The following GTF2IRD1 variants were observed in gnomAD, a reference collection of about 807,000 sequenced individuals.
The protein encoded by GTF2IRD1 is general transcription factor II-I repeat domain-containing protein 1.
Under a neutral mutation model 113.2 loss-of-function variants are expected in GTF2IRD1, and 26 were observed. The ratio of observed to expected loss-of-function variants is 0.23; its 90% CI spans 0.17 to 0.32. The LOEUF (loss-of-function observed/expected upper bound fraction) is 0.32, where lower values mean the gene tolerates loss of function less well. Among genes scored for constraint, GTF2IRD1 ranks in the 10% least tolerant of loss-of-function variants. GTF2IRD1 has a pLI of 1.00. For synonymous variants in GTF2IRD1, 484 were observed against 529.1 expected, an observed-to-expected ratio of 0.91 and a Z score of 1.17; for missense variants, 864 against 1,280.8, an observed-to-expected ratio of 0.67 and a Z score of 4.97.
At chr7:74,490,542 A>ACCCCCCC (rs66883639) in intron 1 of GTF2IRD1, among the ~76,000 whole-genome samples, 28 of 129,884 alleles carry the variant, frequency 2.2e-4, no homozygotes, top group Non-Finnish European at 3.3e-4. Flanking sequence ...GAGAAAGGAT[A>ACCCCCCC]CCCCCCCCCC....
At position 74,557,858 on chromosome 7, in the gene GTF2IRD1, C is replaced by T. The variant is rs150403841; in HGVS notation, c.2107+136C>T. On this transcript the variant is annotated intron_variant, in intron 20 of 26. Transcript: ENST00000424337. ...ACATGTATTTCTTGAGCATATACTA[C>T]GTGCCAGGCACTGTCTCAGGCACTG... 157 of 611,018 alleles carry T rather than the reference C, an allele frequency of 2.6e-4. No individual in the cohort carries two copies. The African/African-American group carries it at 2.6e-3, about 10-fold the overall frequency. 37.8% of individuals were successfully genotyped at this position (611,018 alleles called of 1,614,324 possible).
chr7:74,599,435 G>A (rs1802614237), intron 25 of GTF2IRD1, among the ~76,000 whole-genome samples: 1 of 152,168 alleles, frequency 6.6e-6, no homozygotes, highest in Admixed American at 6.6e-5. Context: ...ACTAGGTGCT[G>A]GGTTCTTTTA....
rs587723554 is a variant in GTF2IRD1, at chr7:74,564,509, G to C, written c.2320+4854G>C. 3.3e-5 allele frequency among the ~76,000 whole-genome samples: 5 copies of C among 152,284 alleles called. No individual in the cohort carries two copies. The South Asian group carries it at 8.3e-4, about 25-fold the overall frequency. ...CTTATACCTATAATCCCAGCATTTTGGGAGGCCAAGATGGGAAAATCACTT... is the reference window on the plus strand; with the variant it reads ...CTTATACCTATAATCCCAGCATTTTCGGAGGCCAAGATGGGAAAATCACTT... On this transcript the variant is annotated intron_variant, in intron 22 of 26. Transcript: ENST00000424337.
At chr7:74,593,471 C>T (rs868921232) in intron 24 of GTF2IRD1, among the ~76,000 whole-genome samples, 2 of 150,268 alleles carry the variant, frequency 1.3e-5, no homozygotes, top group Non-Finnish European at 3.0e-5. Context: ...CAGTGGCTCA[C>T]GCCTGTAATC....
At chr7:74,557,563 A>G (rs1258782317) in intron 19 of GTF2IRD1, 76 bp from the exon 20 acceptor site, 2 of 984,552 alleles carry the variant, frequency 2.0e-6, no homozygotes, top group Admixed American at 2.2e-5. Context: ...CATAATTAGA[A>G]AATCATCTTC....
chr7:74,474,182 A>G (rs1227819457), intron 1 of GTF2IRD1, among the ~76,000 whole-genome samples: 1 of 152,082 alleles, frequency 6.6e-6, no homozygotes, highest in Non-Finnish European at 1.5e-5. Context: ...GGTGAGTTCA[A>G]CCACTGAGCC....
At chr7:74,549,926 C>T (rs1799203081) in intron 17 of GTF2IRD1, among the ~76,000 whole-genome samples, 1 of 152,108 alleles carries the variant, frequency 6.6e-6, no homozygotes, top group African/African-American at 2.4e-5. Context: ...ATCCCAGCTA[C>T]TCTGGAGGCT....
At chr7:74,590,702 T>G (rs1392440311) in intron 23 of GTF2IRD1, 123 bp from the exon 24 acceptor site, 3 of 582,484 alleles carry the variant, frequency 5.2e-6, no homozygotes, top group Non-Finnish European at 8.7e-6. Flanking sequence ...GGGTCTTGAT[T>G]TTTAAACTCT....
At position 74,557,623 on chromosome 7, in the gene GTF2IRD1, G is replaced by A. The variant is rs373786286; in HGVS notation, c.2024-16G>A. 19 of 1,601,528 alleles carry A rather than the reference G, an allele frequency of 1.2e-5. No homozygotes were observed. Among genetic ancestry groups the A allele is most frequent in the Non-Finnish European group, 1.5e-5 (17 of 1,169,142 alleles). On this transcript the variant is annotated splice_polypyrimidine_tract_variant and intron_variant, in intron 19 of 26. Transcript: ENST00000424337. ...CACTCAACAGCCCAAACCCATAATC[G>A]TTTTGCGCTTTGCAGAAAATTATGA...
intron 22 of GTF2IRD1, among the ~76,000 whole-genome samples, chr7:74,574,675 G>A (rs150439148): frequency 1.4e-3 from 218 of 151,412 alleles, no homozygotes; most frequent in African/African-American, 4.3e-3. Flanking sequence ...TTCCCAGGCT[G>A]GTCTGGAACT....
At chr7:74,557,961 C>G (rs1799700713) in intron 20 of GTF2IRD1, among the ~76,000 whole-genome samples, 1 of 152,146 alleles carries the variant, frequency 6.6e-6, no homozygotes, top group African/African-American at 2.4e-5. Context: ...GATACACTTT[C>G]AAGAACTACA....
chr7:74,533,542 T>C (rs181897602), intron 9 of GTF2IRD1, among the ~76,000 whole-genome samples: 49 of 152,274 alleles, frequency 3.2e-4, no homozygotes, highest in African/African-American at 1.1e-3. Flanking sequence ...GTCATGACCA[T>C]TGGGGCACCT....
intron 1 of GTF2IRD1, among the ~76,000 whole-genome samples, chr7:74,479,752 CTTTT>C (rs1219454712): frequency 8.2e-6 from 1 of 122,164 alleles, no homozygotes; most frequent in Non-Finnish European, 1.7e-5. Flanking sequence ...GTACATGAAT[CTTTT>C]TTTTTTTTTT....
chr7:74,535,267 G>A (rs1192221804), intron 10 of GTF2IRD1, 129 bp downstream of exon 10: 13 of 759,672 alleles, frequency 1.7e-5, no homozygotes, highest in Non-Finnish European at 2.7e-5. Context: ...GCTGGGCTGT[G>A]GTTTCTGTGT....
At chr7:74,551,336 C>T (rs587771933) in intron 17 of GTF2IRD1, among the ~76,000 whole-genome samples, 1 of 152,176 alleles carries the variant, frequency 6.6e-6, no homozygotes, top group Admixed American at 6.6e-5. Flanking sequence ...GAGCGAGACT[C>T]CTTCTCAAAA....
chr7:74,462,164 A>C (rs926081734), intron 1 of GTF2IRD1, among the ~76,000 whole-genome samples: 5 of 152,078 alleles, frequency 3.3e-5, no homozygotes, highest in African/African-American at 1.2e-4. Context: ...ACTTGAGGCC[A>C]AGAATTTGAG....
intron 10 of GTF2IRD1, 64 bp from the exon 11 acceptor site, chr7:74,536,103 A>T: frequency 9.8e-7 from 1 of 1,020,646 alleles, no homozygotes; most frequent in Non-Finnish European, 1.6e-6. Context: ...ACCTTTACCC[A>T]GGGGCTCTGC....
chr7:74,581,264 C>T (rs1801404182), intron 22 of GTF2IRD1, among the ~76,000 whole-genome samples: 1 of 152,232 alleles, frequency 6.6e-6, no homozygotes, highest in African/African-American at 2.4e-5. Flanking sequence ...TCAGCTGATC[C>T]ACCCACATTG....
In GTF2IRD1 at chr7:74,545,827, C is replaced by A; in HGVS notation, c.1732+18C>A. ...ACGATACGGTGAGCAAGAAGTGGGA[C>A]AGGGTCTGGGGGCATCCCGGCCCCC... On this transcript the variant is annotated intron_variant, in intron 16 of 26. Coordinates refer to ENST00000424337, the MANE Select transcript of GTF2IRD1 (RefSeq NM_005685.4). The A allele has an allele frequency of 6.2e-7, 1 of 1,600,842 alleles. No individual in the cohort carries two copies. Among genetic ancestry groups the A allele is most frequent in the Non-Finnish European group, 8.6e-7 (1 of 1,167,978 alleles).
Sources: gnomAD v4.1 joint callset for allele counts (sites outside exome capture counted in the v4.1 genomes callset) on GRCh38, gnomAD v4.1.1 for gene constraint, MANE v1.5 for transcripts, NCBI Gene and HGNC (gene_info 2026-07-23, HGNC 2026-07-21) for gene names.